MYH16: variants seen among roughly 807,000 people sequenced by gnomAD.
MYH16 encodes putative uncharacterized protein MYH16.
chr7:99,285,322 G>A, intron 26 of MYH16, 60 bp from the exon 9 acceptor site: 1 of 454,670 alleles, frequency 2.2e-6, no homozygotes, highest in South Asian at 1.6e-5. Context: ...AAAAGGCTAA[G>A]GGGCTGACTT....
chr7:99,290,521 C>T (rs1201801601), intron 30 of MYH16, among the ~76,000 whole-genome samples: 2 of 144,746 alleles, frequency 1.4e-5, no homozygotes, highest in African/African-American at 2.6e-5. Flanking sequence ...AATATCCAGC[C>T]GTGTGCAGTG....
intron 33 of MYH16, among the ~76,000 whole-genome samples, chr7:99,294,752 G>A (rs1475758926): frequency 1.3e-5 from 2 of 151,884 alleles, no homozygotes; most frequent in East Asian, 3.9e-4. Flanking sequence ...TTTTAGTAAA[G>A]ACAGGGTTTC....
At chr7:99,243,435 A>T (rs1289828510) in intron 2 of MYH16, 1 of 152,760 alleles carries the variant, frequency 6.5e-6, no homozygotes, top group East Asian at 1.9e-4. Flanking sequence ...AGTGCCAGGG[A>T]TGGGGTGAGT....
At chr7:99,295,836 GAAAA>G (rs869299904) in intron 33 of MYH16, among the ~76,000 whole-genome samples, 57 of 56,792 alleles carry the variant, frequency 1.0e-3, no homozygotes, top group African/African-American at 3.3e-3. Context: ...TCATCTCTTG[GAAAA>G]AAAAAAAAAA....
intron 18 of MYH16, among the ~76,000 whole-genome samples, chr7:99,268,950 C>T (rs1004593226): frequency 6.6e-6 from 1 of 152,114 alleles, no homozygotes; most frequent in Admixed American, 6.5e-5. Flanking sequence ...AGGGGCCCTG[C>T]AGGCAGCATT....
intron 19 of MYH16, among the ~76,000 whole-genome samples, chr7:99,271,632 A>T (rs1792047931): frequency 6.6e-6 from 1 of 152,238 alleles, no homozygotes; most frequent in South Asian, 2.1e-4. Context: ...TGCATATTTT[A>T]GGTTTTATGT....
intron 38 of MYH16, among the ~76,000 whole-genome samples, chr7:99,302,233 G>C (rs1173552061): frequency 3.3e-5 from 5 of 151,204 alleles, no homozygotes; most frequent in African/African-American, 4.9e-5. Flanking sequence ...GAACCCGGGA[G>C]GCGGAAGTTG....
At chr7:99,283,284 G>A (rs1792227168) in intron 23 of MYH16, among the ~76,000 whole-genome samples, 1 of 151,982 alleles carries the variant, frequency 6.6e-6, no homozygotes, top group African/African-American at 2.4e-5. Context: ...GACAGGGTCT[G>A]ACTCTGTCAC....
intron 31 of MYH16, among the ~76,000 whole-genome samples, 167 bp downstream of exon 12, chr7:99,291,617 A>ACCCCCCCCCCCCCCCCCCCCCCCCCCCCC (rs34446113): frequency 9.4e-6 from 1 of 105,964 alleles, no homozygotes; most frequent in African/African-American, 3.8e-5. Context: ...ACACAGCAAG[A>ACCCCCCCCCCCCCCCCCCCCCCCCCCCCC]CCCCCCCCCA....
At chr7:99,310,531 T>C (rs990185184), downstream of MYH16, among the ~76,000 whole-genome samples, 2 of 152,054 alleles carry the variant, frequency 1.3e-5, no homozygotes, top group African/African-American at 4.8e-5. Flanking sequence ...CCCAAAGGTG[T>C]CTCTAAACCC....
At chr7:99,279,787 G>C in intron 22 of MYH16, 50 bp downstream of exon 4, 1 of 438,746 alleles carries the variant, frequency 2.3e-6, no homozygotes, top group Non-Finnish European at 4.6e-6. Flanking sequence ...CACCTTCAGG[G>C]GCCATACCTA....
rs944913638 is a variant in MYH16 at position 99,258,127 on chromosome 7, G to C, written n.1141G>C. ...CCTTTTTTGTCTCTACTCAGTGGCT[G>C]ACAAAGTCGCCCATCTCATGGGTCT... On this transcript the variant is annotated non_coding_transcript_exon_variant, in exon 11 of 42. Transcript: ENST00000439784. The C allele has an allele frequency of 6.6e-5, 10 of 152,642 alleles. No homozygotes were observed. In the East Asian group the frequency reaches 1.9e-3, roughly 29 times the overall value. 9.5% of individuals were successfully genotyped at this position (152,642 alleles called of 1,614,324 possible).
At chr7:99,257,819 T>C (rs1424440308) in intron 10 of MYH16, among the ~76,000 whole-genome samples, 1 of 152,058 alleles carries the variant, frequency 6.6e-6, no homozygotes, top group Non-Finnish European at 1.5e-5. Context: ...GCTAATTTTT[T>C]AATTTTTTGT....
chr7:99,251,528 A>G (rs912929327), intron 6 of MYH16, among the ~76,000 whole-genome samples: 2 of 152,196 alleles, frequency 1.3e-5, no homozygotes, highest in Non-Finnish European at 2.9e-5. Flanking sequence ...GAATTTTTCA[A>G]TTGTGCGAAA....
chr7:99,294,908 C>T (rs777149114), intron 33 of MYH16, among the ~76,000 whole-genome samples: 12 of 152,222 alleles, frequency 7.9e-5, no homozygotes, highest in Non-Finnish European at 1.8e-4. Flanking sequence ...GGTGTGGTGG[C>T]ACATGCCTGT....
chr7:99,286,491 G>C (rs1167818955), exon 28 of MYH16: 2 of 152,582 alleles, frequency 1.3e-5, no homozygotes, highest in Non-Finnish European at 2.9e-5. Flanking sequence ...TCAGTGACAG[G>C]TTGGAGGAAG....
intron 20 of MYH16, among the ~76,000 whole-genome samples, chr7:99,273,719 C>T (rs1330441541): frequency 6.7e-6 from 1 of 149,664 alleles, no homozygotes; most frequent in Admixed American, 6.7e-5. Flanking sequence ...CACAGTGAGA[C>T]CCCATTTCAA....
At chr7:99,261,998 A>G (rs1791942417) in intron 13 of MYH16, 1 of 152,190 alleles carries the variant, frequency 6.6e-6, no homozygotes, top group South Asian at 2.1e-4. Context: ...GAGCCCATTA[A>G]TTACTCCCAA....
chr7:99,246,642 C>T (rs951670139), intron 2 of MYH16, among the ~76,000 whole-genome samples: 1 of 152,106 alleles, frequency 6.6e-6, no homozygotes, highest in Non-Finnish European at 1.5e-5. Context: ...GCAGAGGTTG[C>T]AGTGAACCCA....
Sources: gnomAD v4.1 joint callset for allele counts (sites outside exome capture counted in the v4.1 genomes callset) on GRCh38, gnomAD v4.1.1 for gene constraint, MANE v1.5 for transcripts, NCBI Gene and HGNC (gene_info 2026-07-23, HGNC 2026-07-21) for gene names.